Variants in ZNF185 observed in about 807,000 individuals in gnomAD.
ZNF185 encodes the protein zinc finger protein 185 with LIM domain.
ZNF185 carries 56 observed loss-of-function variants against 58.6 expected under a neutral mutation model. The ratio of observed to expected loss-of-function variants is 0.95; its 90% confidence interval spans 0.77 to 1.19. The LOEUF (loss-of-function observed/expected upper bound fraction) is 1.19. Among genes scored for constraint, ZNF185 ranks in the 50% most tolerant of loss-of-function variants. The probability of loss-of-function intolerance (pLI) is 0.00; values close to 1 mark genes in which losing one functional copy is unlikely to be tolerated. For missense variants in ZNF185, 627 were observed against 573.5 expected, an observed-to-expected ratio of 1.09 and a Z score of -0.95; for synonymous variants, 230 against 215.9, an observed-to-expected ratio of 1.07 and a Z score of -0.57.
At chrX:152,955,507 A>G (rs1269119658) in intron 16 of ZNF185, among the ~76,000 whole-genome samples, 3 of 112,638 alleles carry the variant, frequency 2.7e-5, no homozygotes, top group Non-Finnish European at 5.6e-5. Flanking sequence ...TAGTTTGATT[A>G]TGTTACATTT....
chrX:152,941,535 A>G (rs1387805336), intron 15 of ZNF185: 4 of 462,159 alleles, frequency 8.7e-6, no homozygotes, highest in Non-Finnish European at 1.1e-5. Flanking sequence ...CGGGCACAGG[A>G]CGTGTGCGCC....
chrX:152,917,856 C>T lies in ZNF185; in HGVS notation c.342-209C>T, dbSNP rs1938825818. ...GGAAGCAAAGACACAGGCAAGAGCC[C>T]GCTGGGCTGTTCCCTGAAGCTCGGT... On this transcript the variant is annotated intron_variant, in intron 5 of 22. Coordinates refer to ENST00000449285, the Ensembl canonical transcript of ZNF185. 1.2e-5 allele frequency: 13 copies of T among 1,076,153 alleles called. No individual in the cohort carries two copies. In the Middle Eastern group the frequency reaches 1.1e-3, roughly 92 times the overall value. The allele number at this position is 1,076,153 out of a possible 1,213,427, so 88.7% of individuals were successfully genotyped here. A position where few individuals can be genotyped will look rare whatever the true frequency, so the allele number is the denominator to read the frequency against.
intron 21 of ZNF185, 147 bp downstream of exon 23, chrX:152,969,631 AG>A (rs1474252989): frequency 2.1e-6 from 1 of 476,343 alleles, no homozygotes; most frequent in Non-Finnish European, 3.6e-6. Flanking sequence ...ATAGTCGCAG[AG>A]GCTTTGCACA....
intron 19 of ZNF185, 89 bp downstream of exon 21, chrX:152,965,616 A>G (rs2071250): frequency 0.3 from 252,824 of 841,034 alleles, 27,238 homozygotes; most frequent in South Asian, 0.44. Flanking sequence ...CTTGTCCAGG[A>G]CTTGGCTCAG....
At chrX:152,899,503 C>T in the ZNF185 span, among the ~76,000 whole-genome samples, 3 of 113,054 alleles carry the variant, frequency 2.7e-5, no homozygotes, top group African/African-American at 9.6e-5. Flanking sequence ...CTCTCACCTG[C>T]CCCTCCTTCC....
intron 16 of ZNF185, 122 bp downstream of exon 18, chrX:152,945,586 C>T: frequency 1.2e-6 from 1 of 811,822 alleles, no homozygotes; most frequent in Non-Finnish European, 1.7e-6. Context: ...CACACCCAGG[C>T]TCCTGTTCTG....
chrX:152,941,478 G>T (rs1556889310), intron 15 of ZNF185, among the ~76,000 whole-genome samples: 1 of 113,029 alleles, frequency 8.8e-6, no homozygotes. Flanking sequence ...AAAAGAAAAA[G>T]GGATGGCACA....
At chrX:152,931,801 C>T (rs1252636768) in intron 13 of ZNF185, 25 bp downstream of exon 14, 3 of 1,162,396 alleles carry the variant, frequency 2.6e-6, no homozygotes, top group African/African-American at 1.8e-5. Context: ...GAAGCAGACA[C>T]TTCATTCCCA....
intron 15 of ZNF185, among the ~76,000 whole-genome samples, chrX:152,943,609 A>G: frequency 1.8e-5 from 2 of 112,434 alleles, no homozygotes; most frequent in Middle Eastern, 4.6e-3. Flanking sequence ...TTTATGACCC[A>G]CATAGGTCAT....
chrX:152,913,306 C>T (rs1440741889), upstream of ZNF185, among the ~76,000 whole-genome samples: 3 of 112,538 alleles, frequency 2.7e-5, no homozygotes, highest in South Asian at 7.4e-4. Context: ...CCCAAGGGTT[C>T]GGCTGTGGCC....
At chrX:152,963,691 T>G in intron 17 of ZNF185, 148 bp from the exon 20 acceptor site, 1 of 472,909 alleles carries the variant, frequency 2.1e-6, no homozygotes, top group African/African-American at 2.4e-5. Flanking sequence ...CTGGGTTTGC[T>G]TATCTGTAAA....
At chrX:152,933,746 G>A (rs1429712613) in intron 14 of ZNF185, among the ~76,000 whole-genome samples, 2 of 112,603 alleles carry the variant, frequency 1.8e-5, no homozygotes, top group Admixed American at 9.4e-5. Flanking sequence ...AGCTACAACC[G>A]CAAGATATCA....
At position 152,940,939 on chromosome X, in the gene ZNF185, G is replaced by A. The variant is rs1347710745; in HGVS notation, c.1211+2776G>A. Among the ~76,000 whole-genome samples, 4 of 111,917 alleles carry A rather than the reference G, an allele frequency of 3.6e-5. No individual in the cohort carries two copies. The Admixed American group carries it at 3.8e-4, about 11-fold the overall frequency. Reference sequence around the variant, plus strand: ...TGGTCAGTTGGGCATGAATTCCAAAGGGAGGAGAATATATTGAGGCATGTC... The same window carrying A: ...TGGTCAGTTGGGCATGAATTCCAAAAGGAGGAGAATATATTGAGGCATGTC... On this transcript the variant is annotated intron_variant, in intron 15 of 22. Coordinates refer to ENST00000449285, the Ensembl canonical transcript of ZNF185.
At position 152,953,094 on chromosome X, in the gene ZNF185, T is replaced by G. The variant is rs140519489; in HGVS notation, c.1410-6605T>G. 6.8e-3 allele frequency among the ~76,000 whole-genome samples: 751 copies of G among 111,258 alleles called. 6 individuals are homozygous for G. Among genetic ancestry groups the G allele is most frequent in the African/African-American group, 0.022 (685 of 30,576 alleles). ...TCATTGAGGAGCTGAAGGGCTTTCC[T>G]TGTGCAATCTCTAGACAAGGTGTCA... On this transcript the variant is annotated intron_variant, in intron 16 of 22. Transcript: ENST00000449285.
At chrX:152,969,444 T>G in exon 21 of ZNF185, 1 of 1,208,256 alleles carries the variant, frequency 8.3e-7, no homozygotes, top group Non-Finnish European at 1.1e-6. Flanking sequence ...AAGATTACCC[T>G]AGAACATCTT....
At chrX:152,970,902 C>T (rs999367308) in intron 22 of ZNF185, among the ~76,000 whole-genome samples, 1 of 111,422 alleles carries the variant, frequency 9.0e-6, no homozygotes, top group African/African-American at 3.3e-5. Flanking sequence ...AGAATCAGGA[C>T]CTCACCCCAG....
chrX:152,917,782 A>G, intron 5 of ZNF185: 5 of 1,032,573 alleles, frequency 4.8e-6, no homozygotes, highest in Non-Finnish European at 6.2e-6. Flanking sequence ...GGCATCAGGC[A>G]TTGCCTGGGA....
intron 11 of ZNF185, among the ~76,000 whole-genome samples, chrX:152,925,990 A>T (rs782431361): frequency 2.7e-5 from 3 of 112,191 alleles, no homozygotes; most frequent in Non-Finnish European, 5.6e-5. Flanking sequence ...AACTGGTTCT[A>T]CACATGCACC....
chrX:152,967,981 G>A (rs1379492407), intron 20 of ZNF185, among the ~76,000 whole-genome samples: 1 of 112,118 alleles, frequency 8.9e-6, no homozygotes, highest in Non-Finnish European at 1.9e-5. Context: ...CTGCCATCTT[G>A]CTTCTCATTG....
Sources: allele counts gnomAD v4.1 joint callset (sites outside exome capture counted in the v4.1 genomes callset), GRCh38; gene constraint gnomAD v4.1.1; transcripts MANE v1.5; gene names NCBI Gene and HGNC (gene_info 2026-07-23, HGNC 2026-07-21).